The following SYN3 variants were observed in gnomAD, a reference collection of about 807,000 sequenced individuals.
SYN3 encodes synapsin III.
Under a neutral mutation model 65.8 loss-of-function variants are expected in SYN3, and 35 were observed. The observed-to-expected ratio is 0.53, with a 90% CI of 0.41 to 0.70. SYN3 has a LOEUF of 0.70. Among genes scored for constraint, SYN3 ranks in the 30% least tolerant of loss-of-function variants. The pLI is 0.00. For synonymous variants in SYN3, 270 were observed against 292.9 expected (o/e 0.92, Z 0.80); for missense variants, 680 against 749.0 (o/e 0.91, Z 1.08).
At chr22:32,638,891 G>T (rs985110259) in intron 6 of SYN3, among the ~76,000 whole-genome samples, 1 of 152,108 alleles carries the variant, frequency 6.6e-6, no homozygotes, top group East Asian at 1.9e-4. Flanking sequence ...TCTTTCCCAA[G>T]GCCTGTGTTT....
intron 7 of SYN3, among the ~76,000 whole-genome samples, chr22:32,566,192 A>G (rs1184112083): frequency 6.6e-6 from 1 of 152,128 alleles, no homozygotes; most frequent in Non-Finnish European, 1.5e-5. Context: ...TTCAATGTGT[A>G]ATCTATATAA....
intron 6 of SYN3, among the ~76,000 whole-genome samples, chr22:32,812,622 C>T (rs983115254): frequency 6.6e-6 from 1 of 152,218 alleles, no homozygotes; most frequent in African/African-American, 2.4e-5. Context: ...CCTACCTGAG[C>T]AGTGCCTCAC....
chr22:32,776,966 C>A (rs1815285719), intron 6 of SYN3, among the ~76,000 whole-genome samples: 1 of 152,132 alleles, frequency 6.6e-6, no homozygotes, highest in South Asian at 2.1e-4. Flanking sequence ...CAGATGTTAC[C>A]ACCCAGAACC....
At chr22:32,662,706 C>A (rs2060232737) in intron 6 of SYN3, among the ~76,000 whole-genome samples, 2 of 152,324 alleles carry the variant, frequency 1.3e-5, no homozygotes, top group South Asian at 4.1e-4. Flanking sequence ...ATAATAAATA[C>A]TCAATTACTG....
At chr22:32,858,084 C>T (rs1243713552) in intron 6 of SYN3, 3 of 1,614,026 alleles carry the variant, frequency 1.9e-6, no homozygotes, top group East Asian at 4.5e-5. Context: ...ACCAGCTCAC[C>T]CTCTCCCAGC....
Position 32,541,749 on chromosome 22 carries a change from C to A in SYN3, c.775-36G>T. 3.1e-6 allele frequency: 5 copies of A among 1,603,310 alleles called. No homozygotes were observed. The South Asian group carries it at 5.6e-5, about 18-fold the overall frequency. ...GGATGAGGGGGATGAGTGCCACCCACCCCGTGTTCACTGAGCCCACCCTAT... is the reference window on the plus strand; with the variant it reads ...GGATGAGGGGGATGAGTGCCACCCAACCCGTGTTCACTGAGCCCACCCTAT... On this transcript the variant is annotated intron_variant, in intron 7 of 13. Transcript: ENST00000358763.
At chr22:33,027,641 G>C (rs562165671) in intron 1 of SYN3, among the ~76,000 whole-genome samples, 5 of 150,786 alleles carry the variant, frequency 3.3e-5, no homozygotes, top group East Asian at 1.9e-4. Context: ...GACAGACAGA[G>C]AGAGAGAGAG....
At chr22:32,530,594 T>C (rs1387798478) in intron 10 of SYN3, among the ~76,000 whole-genome samples, 4 of 151,742 alleles carry the variant, frequency 2.6e-5, no homozygotes, top group Admixed American at 2.6e-4. Flanking sequence ...TTTTTTTTTT[T>C]TCTCAACAGT....
chr22:32,997,036 C>T (rs1386726667), intron 2 of SYN3, among the ~76,000 whole-genome samples: 1 of 152,168 alleles, frequency 6.6e-6, no homozygotes, highest in African/African-American at 2.4e-5. Flanking sequence ...CCCTCAGGAG[C>T]AGTAGAGGAG....
chr22:32,612,308 C>G lies in SYN3; in HGVS notation c.712-15572G>C, dbSNP rs531804794. ...GACAAAAGTGTGGGTACCATGGGCA[C>G]CCAAATTTGCAACTGGCTTCTGAAG... On this transcript the variant is annotated intron_variant, in intron 6 of 13. Transcript: ENST00000358763. Among the ~76,000 whole-genome samples the G allele has an allele frequency of 1.4e-4, 22 of 152,278 alleles. No homozygotes were observed. The East Asian group carries it at 4.3e-3, about 29-fold the overall frequency.
intron 4 of SYN3, among the ~76,000 whole-genome samples, chr22:32,898,916 C>T (rs1273094907): frequency 6.6e-6 from 1 of 152,180 alleles, no homozygotes; most frequent in African/African-American, 2.4e-5. Flanking sequence ...TCCTAGCCAA[C>T]ATGGTGAAAC....
chr22:32,753,741 C>T (rs2045209850), intron 6 of SYN3, among the ~76,000 whole-genome samples: 1 of 152,256 alleles, frequency 6.6e-6, no homozygotes, highest in Admixed American at 6.5e-5. Flanking sequence ...CCAACACAGA[C>T]CAAGGGGTCA....
chr22:33,016,767 T>G (rs1037305882), intron 1 of SYN3, among the ~76,000 whole-genome samples: 4 of 152,248 alleles, frequency 2.6e-5, no homozygotes, highest in Non-Finnish European at 5.9e-5. Context: ...TTTCTTGTTA[T>G]AGAGTTGTTT....
intron 2 of SYN3, among the ~76,000 whole-genome samples, chr22:32,991,842 C>G (rs1282377366): frequency 1.3e-5 from 2 of 152,234 alleles, no homozygotes; most frequent in African/African-American, 4.8e-5. Flanking sequence ...AGCACCATCC[C>G]TTCTCCTGCC....
chr22:32,539,324 T>C (rs1382589244), intron 8 of SYN3, among the ~76,000 whole-genome samples: 2 of 149,476 alleles, frequency 1.3e-5, no homozygotes, highest in East Asian at 4.0e-4. Flanking sequence ...AAAAGTGGAA[T>C]AGATGGTGGA....
chr22:32,657,107 G>A (rs1227737834), intron 6 of SYN3, among the ~76,000 whole-genome samples: 2 of 151,934 alleles, frequency 1.3e-5, no homozygotes, highest in Non-Finnish European at 2.9e-5. Context: ...GCCCTCCTGA[G>A]CCACCCTCAC....
At chr22:33,003,152 C>T (rs913176062) in intron 2 of SYN3, among the ~76,000 whole-genome samples, 1 of 152,166 alleles carries the variant, frequency 6.6e-6, no homozygotes, top group Non-Finnish European at 1.5e-5. Context: ...TTATAAATTA[C>T]CCAGTCTCAG....
At chr22:32,897,061 C>A (rs2146505411) in intron 4 of SYN3, among the ~76,000 whole-genome samples, 1 of 152,206 alleles carries the variant, frequency 6.6e-6, no homozygotes, top group Middle Eastern at 3.4e-3. Flanking sequence ...TTTCTGGCTC[C>A]CTTTGAGTCT....
At chr22:32,551,946 T>C (rs986497447) in intron 7 of SYN3, among the ~76,000 whole-genome samples, 4 of 152,206 alleles carry the variant, frequency 2.6e-5, no homozygotes, top group Non-Finnish European at 5.9e-5. Context: ...TTCCACCTTG[T>C]AGATATTCTA....
Sources: allele counts gnomAD v4.1 joint callset (sites outside exome capture counted in the v4.1 genomes callset), GRCh38; gene constraint gnomAD v4.1.1; transcripts MANE v1.5; gene names NCBI Gene and HGNC (gene_info 2026-07-23, HGNC 2026-07-21).